Variants in SORL1 observed in about 807,000 individuals in gnomAD.
SORL1 encodes the protein sortilin related receptor 1, also known as sortilin-related receptor.
SORL1 carries 127 observed loss-of-function variants against 273.7 expected under a neutral mutation model. The observed-to-expected ratio is 0.46, with a 90% CI of 0.40 to 0.54. The LOEUF is 0.54. Among genes scored for constraint, SORL1 ranks in the 20% least tolerant of loss-of-function variants. SORL1 has a pLI of 0.00. For missense variants in SORL1, 2,494 were observed against 2,846.1 expected (o/e 0.88, Z 2.81); for synonymous variants, 1,031 against 1,067.4 (o/e 0.97, Z 0.66).
At chr11:121,605,067 A>C in intron 33 of SORL1, 46 bp from the exon 34 acceptor site, 1 of 1,564,820 alleles carries the variant, frequency 6.4e-7, no homozygotes, top group Middle Eastern at 1.8e-4. Flanking sequence ...CACCACGCCC[A>C]GCCAAGATGT....
At chr11:121,555,435 C>G in intron 18 of SORL1, 117 bp downstream of exon 18, 2 of 1,312,998 alleles carry the variant, frequency 1.5e-6, no homozygotes, top group Non-Finnish European at 2.1e-6. Flanking sequence ...AAATTTACTG[C>G]GAGTTTCCAG....
intron 1 of SORL1, among the ~76,000 whole-genome samples, chr11:121,462,669 C>T (rs1249537640): frequency 2.0e-5 from 3 of 152,192 alleles, no homozygotes; most frequent in Admixed American, 6.5e-5. Flanking sequence ...ACTGCGGCCT[C>T]GATCTCTTGG....
rs1862607346 is a variant in SORL1 at position 121,557,434 on chromosome 11, C to T, written c.2663+29C>T. The T allele has an allele frequency of 4.0e-6, 6 of 1,510,244 alleles. No homozygotes were observed. The East Asian group carries it at 1.3e-4, about 34-fold the overall frequency. The allele number at this position is 1,510,244 out of a possible 1,614,324, so 93.6% of individuals were successfully genotyped here. ...AGTGTTGCCCCAAAAGGAAATCAGT[C>T]TTGCGTCCAATGCTACACTAATAGA... On this transcript the variant is annotated intron_variant, in intron 19 of 47. Transcript: ENST00000260197.
At chr11:121,553,895 T>A in intron 16 of SORL1, 42 bp from the exon 17 acceptor site, 1 of 1,584,270 alleles carries the variant, frequency 6.3e-7, no homozygotes, top group African/African-American at 1.3e-5. Flanking sequence ...CTCTTCAGCA[T>A]CCCCTGGGTC....
chr11:121,475,636 C>T (rs992933603), intron 2 of SORL1, among the ~76,000 whole-genome samples: 6 of 152,196 alleles, frequency 3.9e-5, no homozygotes, highest in Non-Finnish European at 8.8e-5. Context: ...ATAAGACCTT[C>T]CTACTTAGCA....
Position 121,595,828 on chromosome 11 carries a change from T to C in SORL1, c.4519+56T>C. ...GGCACGTTTCTGCAGAGAGCACAGTTCTGGTGCTTCTGCTTCATTTCTGGA... is the reference window on the plus strand; with the variant it reads ...GGCACGTTTCTGCAGAGAGCACAGTCCTGGTGCTTCTGCTTCATTTCTGGA... On this transcript the variant is annotated intron_variant, in intron 32 of 47. Coordinates refer to ENST00000260197, the MANE Select transcript of SORL1 (RefSeq NM_003105.6). This position sits in a 1 kb window ranked among gnomAD's most constrained non-coding sequence, Gnocchi z 5.1. 5.2e-6 allele frequency: 8 copies of C among 1,547,638 alleles called. No homozygotes were observed. In the South Asian group the frequency reaches 7.9e-5, roughly 15 times the overall value.
chr11:121,518,528 G>C (rs1289935434), intron 8 of SORL1, among the ~76,000 whole-genome samples: 1 of 152,188 alleles, frequency 6.6e-6, no homozygotes, highest in African/African-American at 2.4e-5. Flanking sequence ...CAGATATCTA[G>C]AAGAAGCCCA....
rs772099153 is a variant in SORL1 at position 121,550,616 on chromosome 11, G to A, written c.2212G>A (p.Gly738Arg). 9 of 1,614,026 alleles carry A rather than the reference G, an allele frequency of 5.6e-6. No homozygotes were observed. Among genetic ancestry groups the A allele is most frequent in the African/African-American group, 1.3e-5 (1 of 74,922 alleles). Residue 738 changes from glycine (G) to arginine (R), a missense_variant, in exon 16 of 48, where the codon GGA becomes AGA. Physicochemically the swap from Gly to Arg is moderately radical, Grantham distance 125. Coordinates refer to ENST00000260197, the MANE Select transcript of SORL1 (RefSeq NM_003105.6). This position sits in a 1 kb window ranked among gnomAD's most constrained non-coding sequence, Gnocchi z 5.3. ...YRKISGDTCSGGDVEARLEGE... is the reference protein window; with the variant it reads ...YRKISGDTCSRGDVEARLEGE... ...GAAGATTTCTGGGGACACTTGTAGC[G>A]GAGGAGATGTTGAAGCGCGACTGGA...
intron 18 of SORL1, 116 bp from the exon 19 acceptor site, chr11:121,557,198 A>G: frequency 1.3e-6 from 1 of 784,660 alleles, no homozygotes; most frequent in Non-Finnish European, 2.3e-6. Context: ...GGTCAGGGAA[A>G]TAGGCAGGCA....
At chr11:121,580,495 A>G (rs1046303009) in intron 25 of SORL1, among the ~76,000 whole-genome samples, 33 of 150,616 alleles carry the variant, frequency 2.2e-4, no homozygotes, top group Admixed American at 6.6e-4. Flanking sequence ...TTCTTTTTCA[A>G]ATCTGCCTTT....
intron 32 of SORL1, among the ~76,000 whole-genome samples, chr11:121,599,272 C>T (rs11820853): frequency 0.054 from 8,274 of 152,208 alleles, 480 homozygotes; most frequent in African/African-American, 0.14. Context: ...AGGCCAGGCG[C>T]GGTGGCTCAC....
intron 38 of SORL1, chr11:121,610,538 A>T (rs1459206878): frequency 6.5e-6 from 1 of 153,176 alleles, no homozygotes; most frequent in African/African-American, 2.4e-5. Flanking sequence ...TGAAATGCAG[A>T]TAACATCTCT....
At chr11:121,471,064 A>G (rs1036794248) in intron 2 of SORL1, among the ~76,000 whole-genome samples, 13 of 152,282 alleles carry the variant, frequency 8.5e-5, no homozygotes, top group Non-Finnish European at 1.8e-4. Context: ...GTTGGACAAT[A>G]TATGTCATTT....
chr11:121,516,800 A>G (rs373185953), intron 8 of SORL1, among the ~76,000 whole-genome samples: 1 of 151,886 alleles, frequency 6.6e-6, no homozygotes, highest in African/African-American at 2.4e-5. Context: ...ACGCCTGTAA[A>G]CCCAGCACTT....
chr11:121,622,041 T>C, intron 44 of SORL1, 121 bp from the exon 45 acceptor site: 1 of 625,544 alleles, frequency 1.6e-6, no homozygotes, highest in South Asian at 2.0e-5. Flanking sequence ...CTATGTGTTT[T>C]ATTTTTTCTG....
rs556756459 is a variant in SORL1 at position 121,452,532 on chromosome 11, G to C, written c.201G>C (p.Arg67Ser). 2.7e-4 allele frequency: 407 copies of C among 1,488,326 alleles called. No homozygotes were observed. The highest frequency in any genetic ancestry group is 3.2e-4 in the Non-Finnish European group (359 of 1,124,636). 92.2% of individuals were successfully genotyped at this position (1,488,326 alleles called of 1,614,324 possible). ...GGCTGTGGGCGCGCGGGGATGCCAG[G>C]GGGGCGAGCCGCGCGGACGAGAAGC... ...ELRLWARGDA[R>S]GASRADEKPL... is the part of the protein sequence containing the mutation. The change falls in exon 1 of 48, where the codon AGG becomes AGC. Residue 67 changes from arginine to serine, a missense_variant. This residue lies in a region of SORL1 where 175 missense variants were observed against 147.1 expected (regional missense o/e 1.19). Coordinates refer to ENST00000260197, the MANE Select transcript of SORL1 (RefSeq NM_003105.6). This position sits in a 1 kb window ranked among gnomAD's most constrained non-coding sequence, Gnocchi z 5.3.
intron 45 of SORL1, among the ~76,000 whole-genome samples, chr11:121,622,657 G>A (rs1277623644): frequency 6.6e-6 from 1 of 152,214 alleles, no homozygotes; most frequent in African/African-American, 2.4e-5. Context: ...CAGGAGTTGA[G>A]CTGCACTCTC....
At position 121,550,113 on chromosome 11, in the gene SORL1, T is replaced by C; in HGVS notation, c.2180+25T>C. 6.8e-6 allele frequency: 11 copies of C among 1,607,696 alleles called. No individual in the cohort carries two copies. The highest frequency in any genetic ancestry group is 7.6e-6 in the Non-Finnish European group (9 of 1,176,502). ...GGTATGTATCACAGAGGTTGCCCTG[T>C]CAGGTTCTCAGCGGTCCGCACATGG... is the stretch of plus-strand genomic sequence containing the variant. On this transcript the variant is annotated intron_variant, in intron 15 of 47. Coordinates refer to ENST00000260197, the MANE Select transcript of SORL1 (RefSeq NM_003105.6). The surrounding 1 kb of genome is among the most constrained non-coding windows in gnomAD (Gnocchi z 5.3).
chr11:121,478,547 G>A (rs1861318219), intron 3 of SORL1, among the ~76,000 whole-genome samples: 1 of 152,212 alleles, frequency 6.6e-6, no homozygotes, highest in Non-Finnish European at 1.5e-5. Context: ...TGGCAAAAAT[G>A]TTTCCCAGGT....
Sources: gnomAD v4.1 joint callset for allele counts (sites outside exome capture counted in the v4.1 genomes callset) on GRCh38, gnomAD v4.1.1 for gene constraint, gnomAD v4.1.1 regional missense constraint, Gnocchi (gnomAD v3.1) non-coding constraint, MANE v1.5 for transcripts, NCBI Gene and HGNC (gene_info 2026-07-23, HGNC 2026-07-21) for gene names.